The following DPY19L1 variants were observed in gnomAD, a reference collection of about 807,000 sequenced individuals.
DPY19L1 encodes dpy-19 like C-mannosyltransferase 1.
Under a neutral mutation model 96.9 loss-of-function variants are expected in DPY19L1, and 35 were observed. The ratio of observed to expected loss-of-function variants is 0.36; its 90% CI spans 0.28 to 0.48. The LOEUF (loss-of-function observed/expected upper bound fraction) is 0.48, where lower values mean the gene tolerates loss of function less well. DPY19L1 is among the 20% of genes least tolerant of loss of function. The probability of loss-of-function intolerance (pLI) is 0.99; values close to 1 mark genes in which losing one functional copy is unlikely to be tolerated. For missense variants in DPY19L1, 521 were observed against 777.9 expected (o/e 0.67, Z 3.93); for synonymous variants, 205 against 252.6 (o/e 0.81, Z 1.79).
At chr7:34,992,232 T>C (rs1340303172) in intron 6 of DPY19L1, among the ~76,000 whole-genome samples, 1 of 152,244 alleles carries the variant, frequency 6.6e-6, no homozygotes, top group South Asian at 2.1e-4. Context: ...AGCATTTTAG[T>C]GTTTTGTTTT....
chr7:34,959,631 G>GC (rs1257529858), intron 10 of DPY19L1, among the ~76,000 whole-genome samples: 1 of 151,008 alleles, frequency 6.6e-6, no homozygotes, highest in Non-Finnish European at 1.5e-5. Context: ...ACCAAACACT[G>GC]CATGTCCTCA....
intron 6 of DPY19L1, among the ~76,000 whole-genome samples, chr7:35,008,159 C>G (rs1169199692): frequency 1.3e-5 from 2 of 152,144 alleles, no homozygotes; most frequent in East Asian, 3.8e-4. Context: ...AGTAGCCCCT[C>G]CATGCAGAAC....
chr7:34,937,377 C>A (rs1783890814), intron 21 of DPY19L1, among the ~76,000 whole-genome samples: 1 of 152,140 alleles, frequency 6.6e-6, no homozygotes, highest in Non-Finnish European at 1.5e-5. Flanking sequence ...GATAATGTGA[C>A]CCCTGGTGCT....
chr7:34,951,963 A>G (rs1318140247), intron 13 of DPY19L1, among the ~76,000 whole-genome samples: 2 of 151,658 alleles, frequency 1.3e-5, no homozygotes, highest in Non-Finnish European at 2.9e-5. Context: ...GAAATAGAAA[A>G]CTTGAATAGA....
intron 7 of DPY19L1, among the ~76,000 whole-genome samples, chr7:34,976,925 A>C (rs1273288231): frequency 6.6e-6 from 1 of 151,556 alleles, no homozygotes; most frequent in Non-Finnish European, 1.5e-5. Flanking sequence ...CTGGGACTAC[A>C]GGCACCCACT....
intron 14 of DPY19L1, 69 bp from the exon 15 acceptor site, chr7:34,947,770 G>C: frequency 7.9e-7 from 1 of 1,258,678 alleles, no homozygotes; most frequent in Non-Finnish European, 1.1e-6. Flanking sequence ...TTCAAATAAT[G>C]AAATAGGTAA....
At chr7:34,996,938 C>A (rs1473190834) in intron 6 of DPY19L1, among the ~76,000 whole-genome samples, 1 of 152,146 alleles carries the variant, frequency 6.6e-6, no homozygotes, top group African/African-American at 2.4e-5. Flanking sequence ...TGAGCTGATG[C>A]AGAGTCATCC....
At chr7:34,962,862 CA>C (rs1784529205) in intron 10 of DPY19L1, among the ~76,000 whole-genome samples, 1 of 151,948 alleles carries the variant, frequency 6.6e-6, no homozygotes, top group Non-Finnish European at 1.5e-5. Flanking sequence ...TGGTTGGGGG[CA>C]GGGGGTATAT....
chr7:34,932,009 C>T (rs1783762432), intron 21 of DPY19L1, among the ~76,000 whole-genome samples: 1 of 152,162 alleles, frequency 6.6e-6, no homozygotes, highest in African/African-American at 2.4e-5. Context: ...AACTCTGCCT[C>T]AGCTACTTAT....
At chr7:35,010,027 G>T (rs1349247709) in intron 6 of DPY19L1, among the ~76,000 whole-genome samples, 3 of 152,058 alleles carry the variant, frequency 2.0e-5, no homozygotes, top group Non-Finnish European at 2.9e-5. Flanking sequence ...CCAGGAAGTT[G>T]AGACTAGTCT....
chr7:34,983,060 A>G (rs561241782), intron 7 of DPY19L1, among the ~76,000 whole-genome samples: 70 of 152,360 alleles, frequency 4.6e-4, no homozygotes, highest in African/African-American at 1.7e-3. Context: ...ACTGGAAGTA[A>G]ACTAAAACAA....
At chr7:34,932,989 C>T (rs1443710766) in intron 21 of DPY19L1, among the ~76,000 whole-genome samples, 1 of 152,118 alleles carries the variant, frequency 6.6e-6, no homozygotes, top group Non-Finnish European at 1.5e-5. Context: ...TTTTAAATAA[C>T]ACCTTTAATT....
chr7:34,938,257 G>A lies in DPY19L1; in HGVS notation c.1965-138C>T, dbSNP rs916369916. ...GAGGAAATTCCCCATGGAAGTTCCCGCTAAGGGGCATCAGTGAGGTCAAAA... is the reference window on the plus strand; with the variant it reads ...GAGGAAATTCCCCATGGAAGTTCCCACTAAGGGGCATCAGTGAGGTCAAAA... On this transcript the variant is annotated intron_variant, in intron 20 of 21. Transcript: ENST00000638088. 2.7e-5 allele frequency: 26 copies of A among 954,130 alleles called. No individual in the cohort carries two copies. In the Admixed American group the frequency reaches 2.8e-4, roughly 10 times the overall value. 59.1% of individuals were successfully genotyped at this position (954,130 alleles called of 1,614,324 possible). A position where few individuals can be genotyped will look rare whatever the true frequency, so the allele number is the denominator to read the frequency against.
chr7:34,945,432 T>C (rs1004517488), intron 16 of DPY19L1, among the ~76,000 whole-genome samples: 3 of 152,098 alleles, frequency 2.0e-5, no homozygotes, highest in African/African-American at 7.3e-5. Context: ...GTGTAGATTA[T>C]GTGCAGGGCT....
At chr7:34,933,878 C>T (rs1183425173) in intron 21 of DPY19L1, among the ~76,000 whole-genome samples, 1 of 152,220 alleles carries the variant, frequency 6.6e-6, no homozygotes, top group Non-Finnish European at 1.5e-5. Context: ...CTTTGTTCCT[C>T]AGCTTGCAGA....
At chr7:35,019,416 G>T (rs1222452240) in intron 1 of DPY19L1, among the ~76,000 whole-genome samples, 1 of 152,082 alleles carries the variant, frequency 6.6e-6, no homozygotes, top group Non-Finnish European at 1.5e-5. Flanking sequence ...AACAGCCACT[G>T]CTCTCTAGCC....
intron 6 of DPY19L1, among the ~76,000 whole-genome samples, chr7:35,001,214 G>C (rs561558111): frequency 6.6e-6 from 1 of 152,178 alleles, no homozygotes. Flanking sequence ...GTGAAGATTG[G>C]AATCTGCAGA....
At chr7:35,015,888 T>C (rs1178413748) in intron 3 of DPY19L1, among the ~76,000 whole-genome samples, 2 of 152,174 alleles carry the variant, frequency 1.3e-5, no homozygotes, top group East Asian at 3.8e-4. Flanking sequence ...TGCAAGAAAA[T>C]CTTAAACTCT....
intron 7 of DPY19L1, among the ~76,000 whole-genome samples, chr7:34,984,833 A>G (rs1481081679): frequency 6.6e-6 from 1 of 151,766 alleles, no homozygotes; most frequent in Non-Finnish European, 1.5e-5. Context: ...CCTACCTCCA[A>G]TTATTAACTG....
Sources: allele counts gnomAD v4.1 joint callset (sites outside exome capture counted in the v4.1 genomes callset), GRCh38; gene constraint gnomAD v4.1.1; transcripts MANE v1.5; gene names NCBI Gene and HGNC (gene_info 2026-07-23, HGNC 2026-07-21).